Variants in GTSE1 observed in about 807,000 individuals in gnomAD.
The protein encoded by GTSE1 is G2 and S phase-expressed protein 1.
Under a neutral mutation model 60.5 loss-of-function variants are expected in GTSE1, and 52 were observed. That is an observed-to-expected ratio of 0.86 (90% CI 0.69 to 1.08). The LOEUF is 1.08. Ranked by LOEUF, GTSE1 falls within the 50% of genes least tolerant of loss-of-function variation. The probability of loss-of-function intolerance (pLI) is 0.00; values close to 1 mark genes in which losing one functional copy is unlikely to be tolerated. For synonymous variants in GTSE1, 368 were observed against 386.5 expected (o/e 0.95, Z 0.56); for missense variants, 937 against 961.8 (o/e 0.97, Z 0.34).
rs1176234510 is a variant in GTSE1, at chr22:46,310,785, C to T, written c.763-1356C>T. Among the ~76,000 whole-genome samples the T allele has an allele frequency of 2.0e-5, 3 of 152,126 alleles. No homozygotes were observed. The highest frequency in any genetic ancestry group is 6.5e-5 in the Admixed American group (1 of 15,282). On this transcript the variant is annotated intron_variant, in intron 4 of 11. Transcript: ENST00000454366. This position sits in a 1 kb window ranked among gnomAD's most constrained non-coding sequence, Gnocchi z 4.4. ...CTCTACAAAAAAATACAAAAATTAG[C>T]CAAGTATGGTGGTGCACACCTGTAA...
intron 2 of GTSE1, among the ~76,000 whole-genome samples, chr22:46,300,101 C>T (rs2077681160): frequency 6.8e-6 from 1 of 147,628 alleles, no homozygotes; most frequent in South Asian, 2.1e-4. Flanking sequence ...CTGTGCTCAG[C>T]CTTTTTTTTC....
In GTSE1 at chr22:46,310,352, C is replaced by T. The variant is rs6007823; in HGVS notation, c.762+1409C>T. Reference sequence around the variant, plus strand: ...AGGATGTGGAGAAGCTGGAAGCTCACGCATTGCTGGTGGGACTGTGAAATG... The same window carrying T: ...AGGATGTGGAGAAGCTGGAAGCTCATGCATTGCTGGTGGGACTGTGAAATG... On this transcript the variant is annotated intron_variant, in intron 4 of 11. Coordinates refer to ENST00000454366, the MANE Select transcript of GTSE1 (RefSeq NM_016426.7). The surrounding 1 kb of genome is among the most constrained non-coding windows in gnomAD (Gnocchi z 4.4). 0.15 allele frequency among the ~76,000 whole-genome samples: 22,537 copies of T among 152,104 alleles called. 2,260 individuals are homozygous for T. Among genetic ancestry groups the T allele is most frequent in the African/African-American group, 0.28 (11,748 of 41,466 alleles).
chr22:46,300,898 T>C (rs2077685734), intron 2 of GTSE1, among the ~76,000 whole-genome samples: 1 of 152,216 alleles, frequency 6.6e-6, no homozygotes, highest in Non-Finnish European at 1.5e-5. Flanking sequence ...CTACTTGCCC[T>C]TCCAAGGGCC....
At chr22:46,315,851 G>C (rs1334872777) in intron 6 of GTSE1, among the ~76,000 whole-genome samples, 181 bp from the exon 7 acceptor site, 1 of 152,210 alleles carries the variant, frequency 6.6e-6, no homozygotes, top group African/African-American at 2.4e-5. Context: ...AATACACTCA[G>C]CTAAGCTAAA....
Position 46,324,930 on chromosome 22 carries a change from T to TC in GTSE1, c.1506-1503dup, listed in dbSNP as rs1285368759. 6.6e-6 allele frequency among the ~76,000 whole-genome samples: 1 copy of TC among 152,226 alleles called. No individual in the cohort carries two copies. The highest frequency in any genetic ancestry group is 2.4e-5 in the African/African-American group (1 of 41,458). On this transcript the variant is annotated intron_variant, in intron 8 of 11. Transcript: ENST00000454366. The surrounding 1 kb of genome is among the most constrained non-coding windows in gnomAD (Gnocchi z 5.2). ...GAGCAATAGACAGGTCTCCCTGGCC[T>TC]CCCGAGGGGCCATGGTGGTGGGATG...
intron 8 of GTSE1, 86 bp downstream of exon 8, chr22:46,323,348 GCCTGGCCTGCGC>G: frequency 1.9e-6 from 2 of 1,041,816 alleles, no homozygotes; most frequent in East Asian, 4.7e-5. Flanking sequence ...TAACCCTGCA[GCCTGGCCTGCGC>G]ATCTGGCTTC....
intron 9 of GTSE1, 78 bp from the exon 10 acceptor site, chr22:46,328,610 A>C: frequency 9.0e-7 from 1 of 1,113,408 alleles, no homozygotes. Context: ...GTTCCTCCAG[A>C]GTGACTTGCT....
At chr22:46,303,180 G>A (rs1052000417) in intron 2 of GTSE1, among the ~76,000 whole-genome samples, 3 of 152,144 alleles carry the variant, frequency 2.0e-5, no homozygotes, top group South Asian at 2.1e-4. Context: ...GATTACAGAT[G>A]TGAGCCACCC....
At chr22:46,306,968 G>A (rs1250887564) in intron 2 of GTSE1, among the ~76,000 whole-genome samples, 5 of 152,224 alleles carry the variant, frequency 3.3e-5, no homozygotes, top group Non-Finnish European at 2.9e-5. Flanking sequence ...TTATAGTCTA[G>A]TTGGGGCCAT....
At chr22:46,323,913 C>T (rs938261036) in intron 8 of GTSE1, among the ~76,000 whole-genome samples, 2 of 152,160 alleles carry the variant, frequency 1.3e-5, no homozygotes, top group East Asian at 3.9e-4. Context: ...AGGATGGTCT[C>T]GATCTCCTGG....
rs1332335684 is a variant in GTSE1, at chr22:46,310,888, C to T, written c.763-1253C>T. Among the ~76,000 whole-genome samples the T allele has an allele frequency of 6.6e-6, 1 of 152,102 alleles. No individual in the cohort carries two copies. The highest frequency in any genetic ancestry group is 1.9e-4 in the East Asian group (1 of 5,178). On this transcript the variant is annotated intron_variant, in intron 4 of 11. Coordinates refer to ENST00000454366, the MANE Select transcript of GTSE1 (RefSeq NM_016426.7). This position sits in a 1 kb window ranked among gnomAD's most constrained non-coding sequence, Gnocchi z 4.4. ...GAGGTTGCAGTGAGCCAAGATGGCA[C>T]CACTGAAAACATTTTGCTCAGTGAG...
chr22:46,325,119 G>A (rs1441019764), intron 8 of GTSE1, among the ~76,000 whole-genome samples: 2 of 152,188 alleles, frequency 1.3e-5, no homozygotes, highest in Non-Finnish European at 1.5e-5. Flanking sequence ...TCTGGTGAGG[G>A]CCTGTTTCCC....
intron 7 of GTSE1, among the ~76,000 whole-genome samples, chr22:46,322,777 G>A (rs953046926): frequency 6.6e-5 from 10 of 152,230 alleles, no homozygotes; most frequent in South Asian, 2.1e-4. Context: ...GCTCTGTTGC[G>A]CGTGCCTGGG....
At chr22:46,326,297 G>A (rs11703564) in intron 8 of GTSE1, 139 bp from the exon 9 acceptor site, 55,470 of 653,930 alleles carry the variant, frequency 0.085, 2,809 homozygotes, top group Non-Finnish European at 0.11. Context: ...CCAGGAGAGC[G>A]GAGCTCACAC....
rs566855914 is a variant in GTSE1, at chr22:46,316,993, G to A, written c.1432+581G>A. Among the ~76,000 whole-genome samples, 6 of 148,866 alleles carry A rather than the reference G, an allele frequency of 4.0e-5. No homozygotes were observed. In the South Asian group the frequency reaches 8.4e-4, roughly 21 times the overall value. ...TTTTTGTTTTTTGAGACGGAGTCTCGCTCTGTCACCCAGGGTGGAATGCAG... is the reference window on the plus strand; with the variant it reads ...TTTTTGTTTTTTGAGACGGAGTCTCACTCTGTCACCCAGGGTGGAATGCAG... On this transcript the variant is annotated intron_variant, in intron 7 of 11. Transcript: ENST00000454366. The surrounding 1 kb of genome is among the most constrained non-coding windows in gnomAD (Gnocchi z 5.0).
Position 46,313,869 on chromosome 22 carries a change from T to G in GTSE1, c.928-21T>G, listed in dbSNP as rs1400700379. 1 of 1,613,410 alleles carries G rather than the reference T, an allele frequency of 6.2e-7. No homozygotes were observed. The highest frequency in any genetic ancestry group is 2.2e-5 in the East Asian group (1 of 44,862). On this transcript the variant is annotated intron_variant, in intron 5 of 11. Transcript: ENST00000454366. The surrounding 1 kb of genome is among the most constrained non-coding windows in gnomAD (Gnocchi z 4.4). ...AATAACGAGATCTTTGCTGATTCTG[T>G]TTTTTCACATTTTGCCCCAGTTGGG...
Position 46,312,243 on chromosome 22 carries a change from A to G in GTSE1, c.865A>G (p.Asn289Asp). The G allele has an allele frequency of 6.2e-7, 1 of 1,614,152 alleles. No homozygotes were observed. The highest frequency in any genetic ancestry group is 1.1e-5 in the South Asian group (1 of 91,082). The change falls in exon 5 of 12, where the codon AAT becomes GAT. Residue 289 changes from asparagine to aspartate, a missense_variant. By Grantham distance (23) the Asn-to-Asp change is conservative. Transcript: ENST00000454366. ...TGACAAACCTGCCCCGGGTGCTGTC[A>G]ATGTGCCGGCCGCCGGAAGCCACTT... Reference protein sequence around the residue: ...LPDKPAPGAVNVPAAGSHLGQ... With the variant: ...LPDKPAPGAVDVPAAGSHLGQ...
At chr22:46,323,441 A>C (rs922984173) in intron 8 of GTSE1, among the ~76,000 whole-genome samples, 179 bp downstream of exon 8, 1 of 152,174 alleles carries the variant, frequency 6.6e-6, no homozygotes, top group African/African-American at 2.4e-5. Context: ...CTGCAGACTT[A>C]AGACATCTGA....
At position 46,328,668 on chromosome 22, in the gene GTSE1, A is replaced by C; in HGVS notation, c.1725-20A>C. On this transcript the variant is annotated intron_variant, in intron 9 of 11. Coordinates refer to ENST00000454366, the MANE Select transcript of GTSE1 (RefSeq NM_016426.7). ...AGCATTTTAGAGACATTTTCTCATA[A>C]GTTTTTTTCCTTCCCACAGAACTGA... The C allele has an allele frequency of 6.3e-7, 1 of 1,584,438 alleles. No individual in the cohort carries two copies.
Sources: allele counts gnomAD v4.1 joint callset (sites outside exome capture counted in the v4.1 genomes callset), GRCh38; gene constraint gnomAD v4.1.1; non-coding constraint Gnocchi (gnomAD v3.1); transcripts MANE v1.5; gene names NCBI Gene and HGNC (gene_info 2026-07-23, HGNC 2026-07-21).